SMYD3: variants seen among roughly 807,000 people sequenced by gnomAD.
SMYD3 encodes the protein histone-lysine N-methyltransferase SMYD3.
Under a neutral mutation model 57.7 loss-of-function variants are expected in SMYD3, and 36 were observed. That is an observed-to-expected ratio of 0.62 (90% CI 0.48 to 0.82). The LOEUF is 0.82. Ranked by LOEUF, SMYD3 falls within the 40% of genes least tolerant of loss-of-function variation. The pLI is 0.00. For missense variants in SMYD3, 515 were observed against 538.8 expected (o/e 0.96, Z 0.44); for synonymous variants, 211 against 195.0 (o/e 1.08, Z -0.68).
At chr1:245,789,601 T>G (rs1273692895) in intron 10 of SMYD3, among the ~76,000 whole-genome samples, 5 of 152,244 alleles carry the variant, frequency 3.3e-5, no homozygotes, top group African/African-American at 1.2e-4. Context: ...GTGGTCTGTA[T>G]TCTGGAAATT....
intron 2 of SMYD3, among the ~76,000 whole-genome samples, chr1:246,347,063 C>T (rs952064156): frequency 2.6e-5 from 4 of 151,748 alleles, no homozygotes; most frequent in African/African-American, 9.7e-5. Context: ...GCAGACTGGA[C>T]GTAGCTGGAG....
chr1:246,219,350 A>G (rs546879825), intron 5 of SMYD3, among the ~76,000 whole-genome samples: 1 of 152,236 alleles, frequency 6.6e-6, no homozygotes, highest in East Asian at 1.9e-4. Flanking sequence ...CTTCAGAGGG[A>G]CAGCCTGACG....
At chr1:246,446,974 A>G (rs4654254) in intron 1 of SMYD3, among the ~76,000 whole-genome samples, 33,603 of 150,632 alleles carry the variant, frequency 0.22, 3,968 homozygotes, top group Middle Eastern at 0.27. Context: ...GGTTGCAGTG[A>G]GCCGAGATCG....
At chr1:245,761,079 T>C (rs1351779990) in intron 11 of SMYD3, among the ~76,000 whole-genome samples, 4 of 152,172 alleles carry the variant, frequency 2.6e-5, no homozygotes, top group Non-Finnish European at 5.9e-5. Flanking sequence ...GGAGTGCATG[T>C]TTGCTCCTTG....
chr1:246,036,969 G>C (rs1172467989), intron 5 of SMYD3, among the ~76,000 whole-genome samples: 1 of 152,082 alleles, frequency 6.6e-6, no homozygotes, highest in East Asian at 1.9e-4. Context: ...GACACAAAGA[G>C]CTTCCTCATC....
Position 246,478,601 on chromosome 1 carries a change from C to CCG in SMYD3, c.164+28452_164+28453insCG, listed in dbSNP as rs1370732041. Among the ~76,000 whole-genome samples, 14 of 115,628 alleles carry CCG rather than the reference C, an allele frequency of 1.2e-4. 1 individual carries two copies. The highest frequency in any genetic ancestry group is 3.8e-4 in the African/African-American group (10 of 26,202). 75.9% of individuals were successfully genotyped at this position (115,628 alleles called of 152,430 possible). On this transcript the variant is annotated intron_variant, in intron 1 of 11. Coordinates refer to ENST00000490107, the MANE Select transcript of SMYD3 (RefSeq NM_001167740.2). ...GTGCTCATATATGCACACCTGTCCT[C>CCG]TGTCCTGGAGCTGGTACGTAAGTGC...
chr1:245,798,416 A>AC (rs1558351583), intron 10 of SMYD3, among the ~76,000 whole-genome samples: 5 of 122,652 alleles, frequency 4.1e-5, no homozygotes, highest in Admixed American at 7.9e-5. Context: ...ATACACACAC[A>AC]TACACACCCC....
chr1:245,920,483 G>C (rs1183505401), intron 7 of SMYD3, among the ~76,000 whole-genome samples: 1 of 152,088 alleles, frequency 6.6e-6, no homozygotes, highest in Admixed American at 6.5e-5. Flanking sequence ...GTATCTTTGT[G>C]TCTCTTGTTT....
intron 10 of SMYD3, among the ~76,000 whole-genome samples, chr1:245,787,281 C>T (rs549283348): frequency 1.3e-5 from 2 of 152,244 alleles, no homozygotes; most frequent in South Asian, 4.2e-4. Context: ...TCTCTGTCTC[C>T]CTCTCTCTGA....
chr1:246,444,159 T>C lies in SMYD3; in HGVS notation c.164+62895A>G, dbSNP rs567128146. ...TTTTTTTTTTGGAGACAGAGTCTCG[T>C]TCTGTCACCCAGGCTAGAGTGCAGG... On this transcript the variant is annotated intron_variant, in intron 1 of 11. Coordinates refer to ENST00000490107, the MANE Select transcript of SMYD3 (RefSeq NM_001167740.2). 2.3e-3 allele frequency among the ~76,000 whole-genome samples: 340 copies of C among 148,190 alleles called. 2 individuals carry two copies. Among genetic ancestry groups the C allele is most frequent in the Non-Finnish European group, 4.1e-3 (275 of 67,336 alleles).
chr1:246,449,236 AAAAAAT>A (rs1262521849), intron 1 of SMYD3, among the ~76,000 whole-genome samples: 1 of 152,138 alleles, frequency 6.6e-6, no homozygotes, highest in African/African-American at 2.4e-5. Context: ...ATCTCCAGAA[AAAAAAT>A]AAAATAAACA....
chr1:246,069,577 C>T (rs929860182), intron 5 of SMYD3, among the ~76,000 whole-genome samples: 13 of 152,062 alleles, frequency 8.5e-5, no homozygotes, highest in East Asian at 3.9e-4. Flanking sequence ...ATTAATAAGC[C>T]GAACTGATAA....
rs188564853 is a variant in SMYD3, at chr1:245,806,865, G to C, written c.1077-42716C>G. ...GCGGAGCTTGCAGTGAGCCGAGATC[G>C]CGCCACTGCAGTCCGCAATCCGGCC... On this transcript the variant is annotated intron_variant, in intron 10 of 11. Coordinates refer to ENST00000490107, the MANE Select transcript of SMYD3 (RefSeq NM_001167740.2). Among the ~76,000 whole-genome samples the C allele has an allele frequency of 2.8e-4, 37 of 131,016 alleles. No individual in the cohort carries two copies. The East Asian group carries it at 3.1e-3, about 11-fold the overall frequency. The allele number at this position is 131,016 out of a possible 152,430, so 86.0% of individuals were successfully genotyped here.
chr1:246,488,157 T>A (rs770768511), intron 1 of SMYD3, among the ~76,000 whole-genome samples: 2 of 152,218 alleles, frequency 1.3e-5, no homozygotes, highest in Non-Finnish European at 2.9e-5. Flanking sequence ...AAAATTATTA[T>A]ATTAAAGGTA....
chr1:246,449,233 G>GA (rs2095487239), intron 1 of SMYD3, among the ~76,000 whole-genome samples: 1 of 151,754 alleles, frequency 6.6e-6, no homozygotes, highest in South Asian at 2.1e-4. Flanking sequence ...CCTATCTCCA[G>GA]AAAAAAAATA....
At chr1:246,031,808 T>C (rs1379184631) in intron 5 of SMYD3, among the ~76,000 whole-genome samples, 2 of 152,022 alleles carry the variant, frequency 1.3e-5, no homozygotes. Flanking sequence ...AAAATTAGGT[T>C]GGTTTCATTC....
At chr1:245,924,002 C>T (rs1426127731) in intron 7 of SMYD3, among the ~76,000 whole-genome samples, 1 of 152,162 alleles carries the variant, frequency 6.6e-6, no homozygotes, top group Non-Finnish European at 1.5e-5. Context: ...TTAAGACTGA[C>T]ATTAGGGATA....
intron 5 of SMYD3, among the ~76,000 whole-genome samples, chr1:246,139,442 C>G (rs2061716480): frequency 6.6e-6 from 1 of 152,160 alleles, no homozygotes; most frequent in Non-Finnish European, 1.5e-5. Context: ...AGCTTTATAA[C>G]ACACTTTCAT....
At chr1:246,385,354 T>A (rs986713198) in intron 1 of SMYD3, among the ~76,000 whole-genome samples, 2 of 152,116 alleles carry the variant, frequency 1.3e-5, no homozygotes, top group African/African-American at 4.8e-5. Context: ...ACCCATTTCC[T>A]AAGTATTTCA....
Sources: allele counts gnomAD v4.1 joint callset (sites outside exome capture counted in the v4.1 genomes callset), GRCh38; gene constraint gnomAD v4.1.1; transcripts MANE v1.5; gene names NCBI Gene and HGNC (gene_info 2026-07-23, HGNC 2026-07-21).